The following ZEB2 variants were observed in gnomAD, a reference collection of about 807,000 sequenced individuals.
ZEB2 encodes zinc finger E-box binding homeobox 2.
Under a neutral mutation model 99.9 loss-of-function variants are expected in ZEB2, and 6 were observed. The ratio of observed to expected loss-of-function variants is 0.06; its 90% confidence interval spans 0.03 to 0.12. ZEB2 has a LOEUF of 0.12. Ranked by LOEUF, ZEB2 falls within the 10% of genes least tolerant of loss-of-function variation. The pLI, the probability that ZEB2 is intolerant of heterozygous loss-of-function variation, is 1.00. For synonymous variants in ZEB2, 517 were observed against 542.5 expected (o/e 0.95, Z 0.65); for missense variants, 969 against 1,502.8 (o/e 0.64, Z 5.87).
intron 2 of ZEB2, chr2:144,514,072 G>A (rs370614222): frequency 6.3e-6 from 3 of 478,458 alleles, no homozygotes; most frequent in East Asian, 4.4e-5. Flanking sequence ...CTGACTGCCC[G>A]CTATGGGTTA....
chr2:144,398,899 G>A lies in ZEB2; in HGVS notation c.2288C>T (p.Pro763Leu), dbSNP rs1311266667. The change falls in exon 8 of 10, where the codon CCT (proline) becomes CTT (leucine). Residue 763 changes from proline (P) to leucine (L), a missense_variant. By Grantham distance (98) the Pro-to-Leu change is moderately conservative. Coordinates refer to ENST00000627532, the MANE Select transcript of ZEB2 (RefSeq NM_014795.4). ...NCDPPLRLTK[P>L]SHFTNIKPVE... is the part of the protein sequence containing the mutation. Reference sequence around the variant, plus strand: ...TGGTTTAATATTGGTAAAATGGGAAGGTTTTGTTAGCCTGAGAGGAGGATC... The same window carrying A: ...TGGTTTAATATTGGTAAAATGGGAAAGTTTTGTTAGCCTGAGAGGAGGATC... 1 of 1,614,150 alleles carries A rather than the reference G, an allele frequency of 6.2e-7. No homozygotes were observed. Among genetic ancestry groups the A allele is most frequent in the East Asian group, 2.2e-5 (1 of 44,876 alleles).
intron 2 of ZEB2, among the ~76,000 whole-genome samples, chr2:144,474,687 G>A (rs1437790567): frequency 6.6e-6 from 1 of 152,066 alleles, no homozygotes; most frequent in Non-Finnish European, 1.5e-5. Flanking sequence ...CTGAGCCTGA[G>A]GACTCTCTAT....
In ZEB2 at chr2:144,389,067, G is replaced by GTA; in HGVS notation, c.*382_*383dup. The GTA allele has an allele frequency of 2.1e-6, 1 of 479,970 alleles. No homozygotes were observed. Among genetic ancestry groups the GTA allele is most frequent in the Admixed American group, 3.8e-5 (1 of 26,528 alleles). The allele number at this position is 479,970 out of a possible 1,614,324, so 29.7% of individuals were successfully genotyped here. On this transcript the variant is annotated 3_prime_UTR_variant, in exon 10 of 10. Transcript: ENST00000627532. The surrounding 1 kb of genome is among the most constrained non-coding windows in gnomAD (Gnocchi z 6.8). ...ATAATAATAAAAATACTGATGTATG[G>GTA]TAGTGCGGGCACCTTTTTAAAATGT...
intron 2 of ZEB2, among the ~76,000 whole-genome samples, chr2:144,464,809 T>C (rs563380776): frequency 1.5e-3 from 222 of 152,274 alleles, no homozygotes; most frequent in African/African-American, 5.1e-3. Context: ...TGAAATCCCT[T>C]TTACATACAT....
intron 9 of ZEB2, among the ~76,000 whole-genome samples, chr2:144,392,611 A>C (rs1004646482): frequency 2.6e-5 from 4 of 152,242 alleles, no homozygotes; most frequent in African/African-American, 9.6e-5. Flanking sequence ...GTTTTGACAT[A>C]TACCTTACAC....
chr2:144,399,970 G>A lies in ZEB2; in HGVS notation c.1217C>T (p.Thr406Ile), dbSNP rs749293331. The change falls in exon 8 of 10, where the codon ACA becomes ATA. Residue 406 changes from threonine (T) to isoleucine (I), a missense_variant. By Grantham distance (89) the Thr-to-Ile change is moderately conservative. Coordinates refer to ENST00000627532, the MANE Select transcript of ZEB2 (RefSeq NM_014795.4). The surrounding 1 kb of genome is among the most constrained non-coding windows in gnomAD (Gnocchi z 5.6). Reference protein sequence around the residue: ...DFNDYKVLMATHGFSGTSPFM... With the variant: ...DFNDYKVLMAIHGFSGTSPFM... ...GGGACTAGTGCCACTAAACCCGTGTGTAGCCATAAGAACTTTATAGTCATT... is the reference window on the plus strand; with the variant it reads ...GGGACTAGTGCCACTAAACCCGTGTATAGCCATAAGAACTTTATAGTCATT... 6.2e-7 allele frequency: 1 copy of A among 1,613,946 alleles called. No homozygotes were observed. The highest frequency in any genetic ancestry group is 8.5e-7 in the Non-Finnish European group (1 of 1,180,014).
intron 2 of ZEB2, among the ~76,000 whole-genome samples, chr2:144,490,832 G>T (rs1026598646): frequency 1.3e-5 from 2 of 152,156 alleles, no homozygotes; most frequent in South Asian, 4.1e-4. Flanking sequence ...TCCCAAAATG[G>T]TTAAAATTCA....
At chr2:144,409,526 G>T (rs953847325) in intron 4 of ZEB2, among the ~76,000 whole-genome samples, 4 of 152,032 alleles carry the variant, frequency 2.6e-5, no homozygotes, top group African/African-American at 9.7e-5. Flanking sequence ...TATTTGCATG[G>T]TATTTATGAT....
chr2:144,447,833 C>T (rs1484063396), intron 2 of ZEB2, among the ~76,000 whole-genome samples: 2 of 152,196 alleles, frequency 1.3e-5, no homozygotes. Context: ...CATGTGAATG[C>T]TCCTGCCTGA....
intron 2 of ZEB2, among the ~76,000 whole-genome samples, chr2:144,476,952 T>C (rs1704438445): frequency 6.6e-6 from 1 of 152,328 alleles, no homozygotes; most frequent in East Asian, 1.9e-4. Flanking sequence ...TTCTGATCAT[T>C]TAAAAACATT....
At chr2:144,409,874 G>A (rs1476219431) in intron 4 of ZEB2, among the ~76,000 whole-genome samples, 2 of 151,410 alleles carry the variant, frequency 1.3e-5, no homozygotes, top group Non-Finnish European at 2.9e-5. Flanking sequence ...GAGTGACAAA[G>A]TGAGACCCCT....
intron 2 of ZEB2, among the ~76,000 whole-genome samples, chr2:144,477,640 T>A (rs551901536): frequency 3.9e-5 from 6 of 152,332 alleles, no homozygotes; most frequent in Admixed American, 3.9e-4. Context: ...TCACTTTCAT[T>A]TCCATTGTAA....
At chr2:144,396,948 T>C (rs948292233) in intron 8 of ZEB2, among the ~76,000 whole-genome samples, 3 of 152,152 alleles carry the variant, frequency 2.0e-5, no homozygotes, top group Admixed American at 6.5e-5. Flanking sequence ...TATTTTCCAG[T>C]ATGCTTAACT....
chr2:144,441,164 CGAGAGAGAGAGAGAGAGAGAGAGA>C (rs113731061), intron 2 of ZEB2, among the ~76,000 whole-genome samples: 1 of 88,852 alleles, frequency 1.1e-5, no homozygotes, highest in Non-Finnish European at 2.1e-5. Context: ...TTTAGCTGCA[CGAGAGAGAGAGAGAGAGAGAGAGA>C]GAGAGAGAGA....
At chr2:144,409,867 T>G (rs1703435079) in intron 4 of ZEB2, among the ~76,000 whole-genome samples, 1 of 151,280 alleles carries the variant, frequency 6.6e-6, no homozygotes. Context: ...CCAGCCTGAG[T>G]GACAAAGTGA....
At position 144,385,692 on chromosome 2, in the gene ZEB2, A is replaced by T. The variant is rs1038256922; in HGVS notation, c.*3759T>A. On this transcript the variant is annotated 3_prime_UTR_variant, in exon 10 of 10. Coordinates refer to ENST00000627532, the MANE Select transcript of ZEB2 (RefSeq NM_014795.4). ...CTACAGCCCCTGAATGGCCTCACAC[A>T]TCTTGGAGCAAAAGCATGGTTAACA... 1 of 152,172 alleles carries T rather than the reference A, an allele frequency of 6.6e-6. No individual in the cohort carries two copies. The highest frequency in any genetic ancestry group is 2.4e-5 in the African/African-American group (1 of 41,442). The allele number at this position is 152,172 out of a possible 1,614,324, so 9.4% of individuals were successfully genotyped here.
chr2:144,425,454 A>G (rs1421156909), intron 3 of ZEB2, among the ~76,000 whole-genome samples: 1 of 152,162 alleles, frequency 6.6e-6, no homozygotes, highest in African/African-American at 2.4e-5. Flanking sequence ...TCTAAAACGT[A>G]CCTGCCTTAT....
At chr2:144,400,722 C>T (rs1421607626) in intron 7 of ZEB2, among the ~76,000 whole-genome samples, 2 of 152,202 alleles carry the variant, frequency 1.3e-5, no homozygotes, top group African/African-American at 4.8e-5. Context: ...GCAGAGCTAT[C>T]AAACTAGTTA....
At chr2:144,512,529 G>A (rs1165463286) in intron 2 of ZEB2, 2 of 1,287,218 alleles carry the variant, frequency 1.6e-6, no homozygotes, top group South Asian at 1.2e-5. Context: ...TGACATAGCA[G>A]TTGAGCAGGG....
Sources: gnomAD v4.1 joint callset for allele counts (sites outside exome capture counted in the v4.1 genomes callset) on GRCh38, gnomAD v4.1.1 for gene constraint, Gnocchi (gnomAD v3.1) non-coding constraint, MANE v1.5 for transcripts, NCBI Gene and HGNC (gene_info 2026-07-23, HGNC 2026-07-21) for gene names.